Variants in GCNT4 observed in about 807,000 individuals in gnomAD.
The protein encoded by GCNT4 is beta-1,3-galactosyl-O-glycosyl-glycoprotein beta-1,6-N-acetylglucosaminyltransferase 4.
A neutral mutation model predicts 31.3 loss-of-function variants in GCNT4; 17 were observed. The observed-to-expected ratio is 0.54, with a 90% CI of 0.37 to 0.81. The LOEUF (loss-of-function observed/expected upper bound fraction) is 0.81. Ranked by LOEUF, GCNT4 falls within the 40% of genes least tolerant of loss-of-function variation. The pLI is 0.00. For missense variants in GCNT4, 503 were observed against 525.5 expected, an observed-to-expected ratio of 0.96 and a Z score of 0.42; for synonymous variants, 158 against 190.6, an observed-to-expected ratio of 0.83 and a Z score of 1.41.
In GCNT4 at chr5:75,028,152, G is replaced by A. The variant is rs754220653; in HGVS notation, c.*524C>T. The A allele has an allele frequency of 2.0e-5, 3 of 152,960 alleles. No homozygotes were observed. The highest frequency in any genetic ancestry group is 4.4e-5 in the Non-Finnish European group (3 of 68,394). The allele number at this position is 152,960 out of a possible 1,614,324, so 9.5% of individuals were successfully genotyped here. A position where few individuals can be genotyped will look rare whatever the true frequency, so the allele number is the denominator to read the frequency against. The stretch of plus-strand genomic sequence containing the variant: ...GACTATTCTTTGAGATTTTTCTGAG[G>A]TAGTGAGTCTTTCCTCCTCTGCTCT... On this transcript the variant is annotated 3_prime_UTR_variant, in exon 4 of 4. Transcript: ENST00000652361.
rs757184175 is a variant in GCNT4, at chr5:75,029,298, T to C, written c.740A>G (p.Asn247Ser). 21 of 1,614,066 alleles carry C rather than the reference T, an allele frequency of 1.3e-5. No homozygotes were observed. Among genetic ancestry groups the C allele is most frequent in the Admixed American group, 3.3e-5 (2 of 60,006 alleles). Residue 247 changes from asparagine to serine, a missense_variant, in exon 4 of 4, where the codon AAT (asparagine) becomes AGT (serine). Coordinates refer to ENST00000652361, the MANE Select transcript of GCNT4 (RefSeq NM_001366737.1). ...CACCGTCTCCAACATATTTGCTCCA[T>C]TGAGTTTTTTCAACTCTGACACCAA... Reference protein sequence around the residue: ...FELVSELKKLNGANMLETVKP... With the variant: ...FELVSELKKLSGANMLETVKP...
At chr5:75,047,789 G>A (rs996860203) in intron 3 of GCNT4, 108 bp downstream of exon 3, 5 of 151,724 alleles carry the variant, frequency 3.3e-5, no homozygotes, top group African/African-American at 9.7e-5. Context: ...TAGAGCTTGG[G>A]GGAGGTAGGT....
At chr5:75,032,879 GTGT>G (rs1743100437) in intron 3 of GCNT4, among the ~76,000 whole-genome samples, 2 of 63,238 alleles carry the variant, frequency 3.2e-5, no homozygotes, top group African/African-American at 2.4e-4. Flanking sequence ...AGGGGTGTGT[GTGT>G]GTGTGTGTGT....
At chr5:75,040,047 T>C (rs1743285526) in intron 3 of GCNT4, among the ~76,000 whole-genome samples, 3 of 152,206 alleles carry the variant, frequency 2.0e-5, no homozygotes, top group Admixed American at 1.3e-4. Flanking sequence ...TAAAAGTTCC[T>C]AGAACATCCT....
At chr5:75,039,324 C>T (rs925785267) in intron 3 of GCNT4, among the ~76,000 whole-genome samples, 5 of 152,142 alleles carry the variant, frequency 3.3e-5, no homozygotes, top group Admixed American at 6.5e-5. Flanking sequence ...GAACTCTTGA[C>T]CTCAGGTGAT....
rs1213224519 is a variant in GCNT4, at chr5:75,028,846, A to G, written c.1192T>C (p.Leu398=). The change falls in exon 4 of 4, where the codon TTA becomes CTA. Residue 398 remains leucine, a synonymous_variant. Coordinates refer to ENST00000652361, the MANE Select transcript of GCNT4 (RefSeq NM_001366737.1). ...TGTCCATCTTTGATAAGCCACCTTA[A>G]TTCTGCAGCTCCATAAATACACACG... ...RSVCIYGAAE[L]RWLIKDGHWF... The G allele has an allele frequency of 1.9e-6, 3 of 1,613,960 alleles. No homozygotes were observed. The African/African-American group carries it at 4.0e-5, about 22-fold the overall frequency.
chr5:75,022,350 T>C (rs2149943149), downstream of GCNT4, among the ~76,000 whole-genome samples: 1 of 152,334 alleles, frequency 6.6e-6, no homozygotes, highest in African/African-American at 2.4e-5. Context: ...TAAAACAGCA[T>C]ATAAAATATT....
In GCNT4 at chr5:75,027,636, G is replaced by A. The variant is rs962749044; in HGVS notation, c.*1040C>T. On this transcript the variant is annotated 3_prime_UTR_variant, in exon 4 of 4. Transcript: ENST00000652361. ...CTGGATTCCAGTTGGACAGTTGCCA[G>A]AGAAGAAAAAATTTTAAATGACTAT... is the stretch of plus-strand genomic sequence containing the variant. 2.0e-5 allele frequency: 3 copies of A among 152,092 alleles called. No homozygotes were observed. Among genetic ancestry groups the A allele is most frequent in the Non-Finnish European group, 4.4e-5 (3 of 67,930 alleles). The allele number at this position is 152,092 out of a possible 1,614,324, so 9.4% of individuals were successfully genotyped here. A position where few individuals can be genotyped will look rare whatever the true frequency, so the allele number is the denominator to read the frequency against.
At chr5:75,038,493 A>G (rs1743248240) in intron 3 of GCNT4, among the ~76,000 whole-genome samples, 1 of 152,130 alleles carries the variant, frequency 6.6e-6, no homozygotes, top group South Asian at 2.1e-4. Context: ...GAAATATCTT[A>G]GACTGAATAA....
the GCNT4 span, among the ~76,000 whole-genome samples, chr5:75,019,780 T>C: frequency 1.4e-4 from 21 of 152,346 alleles, no homozygotes; most frequent in African/African-American, 4.6e-4. Context: ...ATGTTGTTGA[T>C]TGAAGATTGT....
At chr5:75,053,921 T>G (rs1414022998), upstream of GCNT4, among the ~76,000 whole-genome samples, 1 of 152,094 alleles carries the variant, frequency 6.6e-6, no homozygotes, top group African/African-American at 2.4e-5. Flanking sequence ...CCAAAGTCGC[T>G]CACAAGGCAG....
chr5:75,035,174 A>G (rs1161793282), intron 3 of GCNT4, among the ~76,000 whole-genome samples: 1 of 152,258 alleles, frequency 6.6e-6, no homozygotes, highest in Non-Finnish European at 1.5e-5. Flanking sequence ...GACCGCATTC[A>G]GGGACACCCC....
chr5:75,026,004 T>G lies in GCNT4; in HGVS notation c.*2672A>C, dbSNP rs1218075807. 6.6e-6 allele frequency: 1 copy of G among 152,156 alleles called. No individual in the cohort carries two copies. The highest frequency in any genetic ancestry group is 1.5e-5 in the Non-Finnish European group (1 of 68,022). The allele number at this position is 152,156 out of a possible 1,614,324, so 9.4% of individuals were successfully genotyped here. A position where few individuals can be genotyped will look rare whatever the true frequency, so the allele number is the denominator to read the frequency against. Reference sequence around the variant, plus strand: ...AAAGGTTTTAGGGAAGAATCAGATATGAAGGCGTACAGGAAATCTGTAGGA... The same window carrying G: ...AAAGGTTTTAGGGAAGAATCAGATAGGAAGGCGTACAGGAAATCTGTAGGA... On this transcript the variant is annotated 3_prime_UTR_variant, in exon 4 of 4. Coordinates refer to ENST00000652361, the MANE Select transcript of GCNT4 (RefSeq NM_001366737.1).
chr5:75,024,265 C>CA (rs1400241921), downstream of GCNT4, among the ~76,000 whole-genome samples: 2 of 152,060 alleles, frequency 1.3e-5, no homozygotes, highest in Non-Finnish European at 2.9e-5. Flanking sequence ...CCACTGGCAC[C>CA]AAAAAATAGT....
chr5:75,044,969 A>G (rs1181189823), intron 3 of GCNT4, among the ~76,000 whole-genome samples: 1 of 152,214 alleles, frequency 6.6e-6, no homozygotes. Context: ...TTAGTAGCAC[A>G]GTTTTGAATA....
chr5:75,049,236 TTC>T (rs1743513097), intron 2 of GCNT4, among the ~76,000 whole-genome samples: 1 of 152,248 alleles, frequency 6.6e-6, no homozygotes, highest in Non-Finnish European at 1.5e-5. Context: ...TAAAGCAGAC[TTC>T]TGTTTCTGCT....
At chr5:75,023,627 G>C (rs1421079692), downstream of GCNT4, among the ~76,000 whole-genome samples, 1 of 152,148 alleles carries the variant, frequency 6.6e-6, no homozygotes, top group African/African-American at 2.4e-5. Flanking sequence ...GTAGCAACAT[G>C]GCAGAGTGAT....
At chr5:75,046,940 T>G (rs1009292747) in intron 3 of GCNT4, among the ~76,000 whole-genome samples, 1 of 152,222 alleles carries the variant, frequency 6.6e-6, no homozygotes, top group African/African-American at 2.4e-5. Flanking sequence ...ACAGTCTACT[T>G]AACAGTCTTA....
the GCNT4 span, among the ~76,000 whole-genome samples, chr5:75,017,010 A>G: frequency 6.6e-6 from 1 of 152,334 alleles, no homozygotes; most frequent in South Asian, 2.1e-4. Context: ...AGGAGCAGTA[A>G]CAATTAATCT....
Sources: gnomAD v4.1 joint callset for allele counts (sites outside exome capture counted in the v4.1 genomes callset) on GRCh38, gnomAD v4.1.1 for gene constraint, MANE v1.5 for transcripts, NCBI Gene and HGNC (gene_info 2026-07-23, HGNC 2026-07-21) for gene names.